Variants in AGL observed in about 807,000 individuals in gnomAD.
AGL encodes the protein amylo-alpha-1,6-glucosidase and 4-alpha-glucanotransferase, also known as glycogen debranching enzyme.
In AGL, 128 loss-of-function variants were observed where a neutral mutation model predicts 199.3. The ratio of observed to expected loss-of-function variants is 0.64; its 90% confidence interval spans 0.56 to 0.74. The LOEUF is 0.74. Among genes scored for constraint, AGL ranks in the 30% least tolerant of loss-of-function variants. AGL has a pLI of 0.00. For synonymous variants in AGL, 584 were observed against 594.7 expected, an observed-to-expected ratio of 0.98 and a Z score of 0.26; for missense variants, 1,809 against 1,820.8, an observed-to-expected ratio of 0.99 and a Z score of 0.12.
intron 2 of AGL, chr1:99,861,276 G>C: frequency 7.2e-7 from 1 of 1,385,706 alleles, no homozygotes; most frequent in Non-Finnish European, 9.3e-7. Context: ...GAAGGAGAAA[G>C]AGACATTACA....
In AGL at chr1:99,881,527, T is replaced by G. The variant is rs1332658652; in HGVS notation, c.2158-14T>G. On this transcript the variant is annotated splice_polypyrimidine_tract_variant and intron_variant, in intron 16 of 33. Coordinates refer to ENST00000361915, the MANE Select transcript of AGL (RefSeq NM_000642.3). Reference sequence around the variant, plus strand: ...AGTTTGAGAGCTAATCTAGTTGTTCTTTCTGCTTCTCAGGTGTATGTGGAT... The same window carrying G: ...AGTTTGAGAGCTAATCTAGTTGTTCGTTCTGCTTCTCAGGTGTATGTGGAT... 2 of 1,613,916 alleles carry G rather than the reference T, an allele frequency of 1.2e-6. No homozygotes were observed. The highest frequency in any genetic ancestry group is 8.5e-7 in the Non-Finnish European group (1 of 1,179,966).
At chr1:99,888,374 A>G (rs1304887174) in intron 21 of AGL, among the ~76,000 whole-genome samples, 1 of 152,226 alleles carries the variant, frequency 6.6e-6, no homozygotes, top group African/African-American at 2.4e-5. Flanking sequence ...TGAAAACAGG[A>G]TGTAACACAA....
At chr1:99,858,269 A>G (rs934251597) in intron 2 of AGL, among the ~76,000 whole-genome samples, 11 of 152,386 alleles carry the variant, frequency 7.2e-5, no homozygotes, top group South Asian at 4.1e-4. Flanking sequence ...AAGTAGCATT[A>G]GATAGTATGA....
intron 2 of AGL, among the ~76,000 whole-genome samples, chr1:99,854,222 C>T (rs1453877159): frequency 1.3e-5 from 2 of 152,000 alleles, no homozygotes; most frequent in Non-Finnish European, 2.9e-5. Context: ...AAAATAAAAT[C>T]TGTGAGGATA....
At chr1:99,909,350 G>A (rs934593939) in intron 27 of AGL, among the ~76,000 whole-genome samples, 6 of 152,166 alleles carry the variant, frequency 3.9e-5, no homozygotes, top group East Asian at 3.9e-4. Context: ...GTGCCCGCAG[G>A]TACCACGCTG....
At position 99,874,620 on chromosome 1, in the gene AGL, A is replaced by C; in HGVS notation, c.959-67A>C. The C allele has an allele frequency of 2.0e-6, 3 of 1,480,268 alleles. No homozygotes were observed. The South Asian group carries it at 3.6e-5, about 18-fold the overall frequency. The allele number at this position is 1,480,268 out of a possible 1,614,324, so 91.7% of individuals were successfully genotyped here. On this transcript the variant is annotated intron_variant, in intron 7 of 33. Coordinates refer to ENST00000361915, the MANE Select transcript of AGL (RefSeq NM_000642.3). The stretch of plus-strand genomic sequence containing the variant: ...AAAAAATTATAGGCCAAAAATTAGA[A>C]AATAGTGACAGTTATAATCTCTTTG...
intron 27 of AGL, among the ~76,000 whole-genome samples, chr1:99,909,346 G>A (rs530041092): frequency 5.9e-5 from 9 of 152,232 alleles, no homozygotes; most frequent in South Asian, 2.1e-4. Context: ...CGTGGTGCCC[G>A]CAGGTACCAC....
chr1:99,907,686 G>GTTTTTTTTTTTTTTTTTTTTTTTTT (rs1238445536), intron 27 of AGL, among the ~76,000 whole-genome samples: 2 of 59,844 alleles, frequency 3.3e-5, no homozygotes, highest in African/African-American at 1.1e-4. Flanking sequence ...GTTTGTTTTT[G>GTTTTTTTTTTTTTTTTTTTTTTTTT]TTTTTTGTTT....
intron 27 of AGL, among the ~76,000 whole-genome samples, chr1:99,904,899 T>TGG (rs1654138081): frequency 6.6e-6 from 1 of 152,238 alleles, no homozygotes; most frequent in African/African-American, 2.4e-5. Context: ...TGGGTTGTTT[T>TGG]CATGTTTTGG....
In AGL at chr1:99,902,694, G is replaced by C; in HGVS notation, c.3600G>C (p.Leu1200Phe). Residue 1200 changes from leucine (L) to phenylalanine (F), a missense_variant, in exon 27 of 34, where the codon TTG becomes TTC. Coordinates refer to ENST00000361915, the MANE Select transcript of AGL (RefSeq NM_000642.3). ...TATGTCTCAAACAGGATCAGCCATTGTTTGAAGTCATACAGGAAGCAATGC... is the reference window on the plus strand; with the variant it reads ...TATGTCTCAAACAGGATCAGCCATTCTTTGAAGTCATACAGGAAGCAATGC... ...PLPAGTLDQP[L>F]FEVIQEAMQK... 1.9e-6 allele frequency: 3 copies of C among 1,612,804 alleles called. No homozygotes were observed. In the African/African-American group the frequency reaches 4.0e-5, roughly 22 times the overall value.
intron 4 of AGL, among the ~76,000 whole-genome samples, chr1:99,863,697 C>T (rs1409097686): frequency 1.3e-5 from 2 of 151,746 alleles, no homozygotes; most frequent in Admixed American, 1.3e-4. Flanking sequence ...GATCCACCTG[C>T]CTCAGCCTCC....
At chr1:99,883,091 C>T (rs186679814) in intron 17 of AGL, among the ~76,000 whole-genome samples, 60 of 152,170 alleles carry the variant, frequency 3.9e-4, no homozygotes, top group Non-Finnish European at 6.6e-4. Flanking sequence ...GTTAAATGTT[C>T]GTACGTTCTG....
rs777099171 is a variant in AGL, at chr1:99,887,983, C to T, written c.2687C>T (p.Ala896Val). 6.2e-7 allele frequency: 1 copy of T among 1,613,248 alleles called. No homozygotes were observed. Among genetic ancestry groups the T allele is most frequent in the Non-Finnish European group, 8.5e-7 (1 of 1,179,472 alleles). Residue 896 changes from alanine (A) to valine (V), a missense_variant, in exon 21 of 34, where the codon GCC (alanine) becomes GTC (valine). Physicochemically the swap from Ala to Val is moderately conservative, Grantham distance 64. Transcript: ENST00000361915. ...CTTTATTTTCCAATTCTTAGTCTTG[C>T]CTCCAGATTAACTTTGGCTGAGCTA... ...PILKIPFASL[A>V]SRLTLAELNQ...
At chr1:99,873,665 C>T (rs1651222374) in intron 7 of AGL, among the ~76,000 whole-genome samples, 1 of 152,130 alleles carries the variant, frequency 6.6e-6, no homozygotes, top group East Asian at 1.9e-4. Context: ...ATCTCTTGAC[C>T]TCAGGTGATC....
At chr1:99,875,504 T>C (rs1651448394) in intron 10 of AGL, 49 bp downstream of exon 10, 3 of 1,468,394 alleles carry the variant, frequency 2.0e-6, no homozygotes, top group African/African-American at 1.4e-5. Context: ...AACTGAAAAT[T>C]GTATTTAACT....
intron 13 of AGL, 99 bp from the exon 14 acceptor site, chr1:99,880,533 A>T (rs1422069968): frequency 7.6e-7 from 1 of 1,317,694 alleles, no homozygotes; most frequent in South Asian, 1.2e-5. Context: ...TATAATATTG[A>T]TGTGGTCTTT....
chr1:99,861,543 A>G lies in AGL; in HGVS notation c.123A>G (p.Gly41=). 6.2e-7 allele frequency: 1 copy of G among 1,614,016 alleles called. No homozygotes were observed. The highest frequency in any genetic ancestry group is 8.5e-7 in the Non-Finnish European group (1 of 1,179,936). ...LQFRLGPTLQ[G]KAVTVYTNYP... ...TCCGATTAGGCCCAACTTTACAGGG[A>G]AAAGCAGTTACCGTGTATACAAATT... The change falls in exon 3 of 34, where the codon GGA becomes GGG. Residue 41 remains glycine, a synonymous_variant. Transcript: ENST00000361915.
At position 99,870,825 on chromosome 1, in the gene AGL, A is replaced by C; in HGVS notation, c.914A>C (p.Asp305Ala). 1.2e-6 allele frequency: 2 copies of C among 1,611,546 alleles called. No individual in the cohort carries two copies. The highest frequency in any genetic ancestry group is 1.7e-6 in the Non-Finnish European group (2 of 1,177,878). The change falls in exon 7 of 34, where the codon GAT becomes GCT. Residue 305 changes from aspartate (D) to alanine (A), a missense_variant. Asp to Ala is a moderately radical substitution (Grantham distance 126, BLOSUM62 -2). Coordinates refer to ENST00000361915, the MANE Select transcript of AGL (RefSeq NM_000642.3). ...KLKLWEFFQV[D>A]VNKAVEQFRR... Reference sequence around the variant, plus strand: ...AAACTCTGGGAATTTTTCCAAGTAGATGTCAACAAAGCGGTTGAGCAATTT... The same window carrying C: ...AAACTCTGGGAATTTTTCCAAGTAGCTGTCAACAAAGCGGTTGAGCAATTT...
Position 99,891,110 on chromosome 1 carries a change from C to T in AGL, c.2813-110C>T, listed in dbSNP as rs12086095. 6,154 of 1,357,198 alleles carry T rather than the reference C, an allele frequency of 4.5e-3. 219 individuals are homozygous for T. The African/African-American group carries it at 0.076, about 17-fold the overall frequency. 84.1% of individuals were successfully genotyped at this position (1,357,198 alleles called of 1,614,324 possible). ...GTAGCCCTTGTGTGTGCCTCTAATA[C>T]GTATTCACCCCAAATCACTAGAATA... On this transcript the variant is annotated intron_variant, in intron 21 of 33. Transcript: ENST00000361915.
Sources: gnomAD v4.1 joint callset for allele counts (sites outside exome capture counted in the v4.1 genomes callset) on GRCh38, gnomAD v4.1.1 for gene constraint, MANE v1.5 for transcripts, NCBI Gene and HGNC (gene_info 2026-07-23, HGNC 2026-07-21) for gene names.